Variants in CRPPA observed in about 807,000 individuals in gnomAD.
CRPPA encodes the protein D-ribitol-5-phosphate cytidylyltransferase.
CRPPA carries 43 observed loss-of-function variants against 52.0 expected under a neutral mutation model. That is an observed-to-expected ratio of 0.83 (90% CI 0.65 to 1.07). CRPPA has a LOEUF of 1.07. Among genes scored for constraint, CRPPA ranks in the 50% least tolerant of loss-of-function variants. The pLI is 0.00. For synonymous variants in CRPPA, 250 were observed against 203.5 expected, an observed-to-expected ratio of 1.23 and a Z score of -1.94; for missense variants, 629 against 551.7, an observed-to-expected ratio of 1.14 and a Z score of -1.40.
intron 5 of CRPPA, among the ~76,000 whole-genome samples, chr7:16,291,142 G>A (rs1784555607): frequency 2.0e-5 from 3 of 151,956 alleles, no homozygotes; most frequent in South Asian, 4.1e-4. Flanking sequence ...TGCTGCAAGA[G>A]GATGCAGAAG....
intron 9 of CRPPA, among the ~76,000 whole-genome samples, chr7:16,213,657 G>A (rs546820141): frequency 3.4e-4 from 51 of 151,706 alleles, no homozygotes; most frequent in African/African-American, 1.2e-3. Flanking sequence ...GCTGTGGCAG[G>A]AGAATTGCTT....
chr7:16,144,490 G>A (rs1351758750), intron 9 of CRPPA, among the ~76,000 whole-genome samples: 1 of 152,196 alleles, frequency 6.6e-6, no homozygotes, highest in Non-Finnish European at 1.5e-5. Flanking sequence ...AGGCCAGAAG[G>A]TTTTGCAAAG....
At chr7:16,252,155 A>G (rs1783473821) in intron 8 of CRPPA, among the ~76,000 whole-genome samples, 1 of 152,150 alleles carries the variant, frequency 6.6e-6, no homozygotes. Context: ...AATCCTGAAT[A>G]AAATACTGGC....
chr7:16,340,372 C>G (rs987816614), intron 3 of CRPPA, among the ~76,000 whole-genome samples: 2 of 151,862 alleles, frequency 1.3e-5, no homozygotes, highest in Non-Finnish European at 2.9e-5. Flanking sequence ...CACAAACATG[C>G]AAAGAACTCT....
At chr7:16,327,050 G>T (rs1583521884) in intron 3 of CRPPA, among the ~76,000 whole-genome samples, 1 of 152,092 alleles carries the variant, frequency 6.6e-6, no homozygotes, top group African/African-American at 2.4e-5. Flanking sequence ...ATGCTAGCTC[G>T]TTTTTGCCAC....
In CRPPA at chr7:16,132,561, G is replaced by A. The variant is rs1196609546; in HGVS notation, c.1252-40762C>T. On this transcript the variant is annotated intron_variant, in intron 9 of 9. Coordinates refer to ENST00000407010, the MANE Select transcript of CRPPA (RefSeq NM_001101426.4). The stretch of plus-strand genomic sequence containing the variant: ...TAGAAAGAGGTAGAAAGTGGAAAAA[G>A]AGATTGAGTAAATGATTTCTTCATA... Among the ~76,000 whole-genome samples the A allele has an allele frequency of 4.0e-5, 5 of 124,716 alleles. 2 individuals carry two copies. Among genetic ancestry groups the A allele is most frequent in the African/African-American group, 1.3e-4 (5 of 38,440 alleles). 81.8% of individuals were successfully genotyped at this position (124,716 alleles called of 152,430 possible). A position where few individuals can be genotyped will look rare whatever the true frequency, so the allele number is the denominator to read the frequency against.
chr7:16,302,611 A>G lies in CRPPA; in HGVS notation c.790-1145T>C, dbSNP rs371828498. On this transcript the variant is annotated intron_variant, in intron 4 of 9. Transcript: ENST00000407010. Reference sequence around the variant, plus strand: ...CACTTTGAGAAATTCCTACCATATTATTACCTCACCATGCCTAAACTCAGC... The same window carrying G: ...CACTTTGAGAAATTCCTACCATATTGTTACCTCACCATGCCTAAACTCAGC... 1.4e-4 allele frequency among the ~76,000 whole-genome samples: 22 copies of G among 152,286 alleles called. No individual in the cohort carries two copies. The East Asian group carries it at 3.3e-3, about 23-fold the overall frequency.
At chr7:16,183,370 T>C (rs1781448013) in intron 9 of CRPPA, among the ~76,000 whole-genome samples, 1 of 152,096 alleles carries the variant, frequency 6.6e-6, no homozygotes, top group African/African-American at 2.4e-5. Context: ...CCCATGGCCA[T>C]ACTGAGAAAA....
At chr7:16,212,225 A>T (rs2128396697) in intron 9 of CRPPA, among the ~76,000 whole-genome samples, 1 of 152,294 alleles carries the variant, frequency 6.6e-6, no homozygotes, top group South Asian at 2.1e-4. Flanking sequence ...TGGTTTTTGC[A>T]GGTCTGCCAA....
intron 9 of CRPPA, among the ~76,000 whole-genome samples, chr7:16,125,312 G>A (rs1186299257): frequency 7.4e-6 from 1 of 135,646 alleles, no homozygotes; most frequent in Non-Finnish European, 1.6e-5. Flanking sequence ...ACACAAAGCA[G>A]AATTTTTGTT....
At chr7:16,223,450 A>G (rs1199909218) in intron 8 of CRPPA, among the ~76,000 whole-genome samples, 5 of 152,206 alleles carry the variant, frequency 3.3e-5, no homozygotes, top group African/African-American at 1.2e-4. Context: ...GAAATGCATA[A>G]TTAGGTTAAC....
chr7:16,134,971 G>C (rs1782738406), intron 9 of CRPPA, among the ~76,000 whole-genome samples: 1 of 152,074 alleles, frequency 6.6e-6, no homozygotes, highest in Non-Finnish European at 1.5e-5. Context: ...CTGTTTTGTT[G>C]TCTGGATTTT....
At chr7:16,384,844 TG>T (rs1195421710) in intron 2 of CRPPA, among the ~76,000 whole-genome samples, 1 of 152,184 alleles carries the variant, frequency 6.6e-6, no homozygotes, top group African/African-American at 2.4e-5. Flanking sequence ...GAACTGCCTA[TG>T]AGAAGGCCCC....
intron 8 of CRPPA, among the ~76,000 whole-genome samples, chr7:16,241,635 A>G (rs569069858): frequency 3.3e-5 from 5 of 152,298 alleles, no homozygotes; most frequent in African/African-American, 1.2e-4. Flanking sequence ...GTGTTTCTTT[A>G]AAAAAGCTTT....
At chr7:16,279,532 A>C (rs909832823) in intron 5 of CRPPA, among the ~76,000 whole-genome samples, 10 of 152,224 alleles carry the variant, frequency 6.6e-5, no homozygotes, top group African/African-American at 2.4e-4. Context: ...TGTAATTCTA[A>C]GTTACGTGGT....
rs77521518 is a variant in CRPPA, at chr7:16,170,301, T to C, written c.1251+45765A>G. Among the ~76,000 whole-genome samples the C allele has an allele frequency of 8.5e-4, 129 of 152,292 alleles. 2 individuals carry two copies. The East Asian group carries it at 0.023, about 27-fold the overall frequency. ...CCAGAGGAGAAATATTGGAACCCAG[T>C]GTGTTCAGAATTGGTGGGCTCTTGG... On this transcript the variant is annotated intron_variant, in intron 9 of 9. Coordinates refer to ENST00000407010, the MANE Select transcript of CRPPA (RefSeq NM_001101426.4).
At chr7:16,142,430 C>T (rs1048847029) in intron 9 of CRPPA, among the ~76,000 whole-genome samples, 1 of 152,136 alleles carries the variant, frequency 6.6e-6, no homozygotes, top group Non-Finnish European at 1.5e-5. Context: ...TAAAGTTCTA[C>T]ATTATTGTAT....
intron 9 of CRPPA, among the ~76,000 whole-genome samples, chr7:16,214,859 T>C (rs993146501): frequency 2.0e-5 from 3 of 152,208 alleles, no homozygotes; most frequent in African/African-American, 7.2e-5. Flanking sequence ...CTCTACCCGT[T>C]ATCTGTCCTC....
intron 2 of CRPPA, among the ~76,000 whole-genome samples, chr7:16,386,260 C>T (rs887503193): frequency 1.3e-5 from 2 of 152,180 alleles, no homozygotes; most frequent in Admixed American, 1.3e-4. Context: ...CGTTCAGATG[C>T]TCTTTTTCTT....
Sources: allele counts gnomAD v4.1 joint callset (sites outside exome capture counted in the v4.1 genomes callset), GRCh38; gene constraint gnomAD v4.1.1; transcripts MANE v1.5; gene names NCBI Gene and HGNC (gene_info 2026-07-23, HGNC 2026-07-21).